FLNB: variants seen among roughly 807,000 people sequenced by gnomAD.
FLNB encodes the protein filamin B, also known as filamin-B.
In FLNB, 111 loss-of-function variants were observed where a neutral mutation model predicts 250.6. The observed-to-expected ratio is 0.44, with a 90% CI of 0.38 to 0.52. FLNB has a LOEUF of 0.52. Among genes scored for constraint, FLNB ranks in the 20% least tolerant of loss-of-function variants. The pLI is 0.00. For missense variants in FLNB, 2,869 were observed against 3,447.8 expected, an observed-to-expected ratio of 0.83 and a Z score of 4.20; for synonymous variants, 1,302 against 1,372.1, an observed-to-expected ratio of 0.95 and a Z score of 1.13.
At chr3:58,031,453 A>G (rs11716046) in intron 1 of FLNB, among the ~76,000 whole-genome samples, 4,206 of 149,740 alleles carry the variant, frequency 0.028, 87 homozygotes, top group Middle Eastern at 0.053. Context: ...TGTGTTAGCC[A>G]GGATGGTCTC....
rs2097264530 is a variant in FLNB at position 58,109,232 on chromosome 3, A to G, written c.2109A>G (p.Thr703=). The change falls in exon 14 of 46, where the codon ACA becomes ACG. Residue 703 remains threonine (T), a synonymous_variant. Coordinates refer to ENST00000295956, the MANE Select transcript of FLNB (RefSeq NM_001457.4). The part of the protein sequence containing the change: ...DIQMKNRMDG[T]YACSYTPVKA... ...AGATGAAGAACCGGATGGACGGCACATATGCATGCTCATACACCCCGGTGA... is the reference window on the plus strand; with the variant it reads ...AGATGAAGAACCGGATGGACGGCACGTATGCATGCTCATACACCCCGGTGA... The G allele has an allele frequency of 1.2e-6, 2 of 1,614,250 alleles. No individual in the cohort carries two copies. Among genetic ancestry groups the G allele is most frequent in the Non-Finnish European group, 1.7e-6 (2 of 1,180,050 alleles).
At chr3:58,065,851 G>T (rs970491252) in intron 1 of FLNB, among the ~76,000 whole-genome samples, 10 of 152,228 alleles carry the variant, frequency 6.6e-5, no homozygotes, top group Admixed American at 5.9e-4. Flanking sequence ...AGGGTCACGA[G>T]GACCTCCATT....
chr3:58,085,661 G>A (rs541711442), intron 4 of FLNB, among the ~76,000 whole-genome samples: 1 of 152,152 alleles, frequency 6.6e-6, no homozygotes, highest in Non-Finnish European at 1.5e-5. Context: ...TGCAGGGTTA[G>A]CTATGTGAAA....
At chr3:58,129,395 T>C (rs2097302816) in intron 24 of FLNB, among the ~76,000 whole-genome samples, 1 of 152,210 alleles carries the variant, frequency 6.6e-6, no homozygotes, top group Non-Finnish European at 1.5e-5. Flanking sequence ...TTTTGGCTAC[T>C]CTCATGCTGA....
intron 1 of FLNB, among the ~76,000 whole-genome samples, chr3:58,057,416 A>C (rs548853437): frequency 5.4e-4 from 82 of 152,300 alleles, no homozygotes; most frequent in African/African-American, 1.9e-3. Context: ...GCCTCTACCT[A>C]GCTTTAGAAG....
At chr3:58,130,550 G>A (rs1005120450) in intron 24 of FLNB, among the ~76,000 whole-genome samples, 191 bp from the exon 25 acceptor site, 2 of 152,158 alleles carry the variant, frequency 1.3e-5, no homozygotes, top group Admixed American at 6.5e-5. Flanking sequence ...ACATCTGCAC[G>A]TAGTAGGTGT....
chr3:58,115,039 A>G (rs1480226682), intron 18 of FLNB, among the ~76,000 whole-genome samples: 3 of 152,140 alleles, frequency 2.0e-5, no homozygotes, highest in African/African-American at 7.2e-5. Context: ...CAGGTTATAA[A>G]CGCGGCTTCT....
chr3:58,045,652 A>G (rs951966220), intron 1 of FLNB, among the ~76,000 whole-genome samples: 4 of 151,226 alleles, frequency 2.6e-5, no homozygotes, highest in African/African-American at 9.9e-5. Context: ...AAATTTTATG[A>G]TTCTCTTAAG....
chr3:58,121,283 G>A lies in FLNB; in HGVS notation c.2906G>A (p.Arg969Lys). The change falls in exon 20 of 46, where the codon AGG (arginine) becomes AAG (lysine). Residue 969 changes from arginine (R) to lysine (K), a missense_variant. Physicochemically the swap from Arg to Lys is conservative, Grantham distance 26. Around this residue, in one of 5 missense-constraint regions of FLNB, gnomAD observed 1,348 missense variants for 1,466.7 expected, o/e 0.92. Transcript: ENST00000295956. The part of the protein sequence containing the change: ...GKDQEFTVDT[R>K]GAGGQGKLDV... Reference sequence around the variant, plus strand: ...GATCAGGAGTTCACCGTTGATACCAGGGGGGCAGGAGGCCAGGGGAAGCTG... The same window carrying A: ...GATCAGGAGTTCACCGTTGATACCAAGGGGGCAGGAGGCCAGGGGAAGCTG... The A allele has an allele frequency of 6.2e-7, 1 of 1,614,154 alleles. No individual in the cohort carries two copies. The highest frequency in any genetic ancestry group is 2.2e-5 in the East Asian group (1 of 44,886).
intron 1 of FLNB, among the ~76,000 whole-genome samples, chr3:58,024,765 T>G (rs1483424303): frequency 1.4e-5 from 2 of 146,570 alleles, no homozygotes; most frequent in Admixed American, 7.0e-5. Context: ...CCAGGCTGGA[T>G]TGCAATGGTG....
chr3:58,150,182 G>A lies in FLNB; in HGVS notation c.6322G>A (p.Val2108Met), dbSNP rs768968409. ...CACCCGCACCAGTCGGGCCCCGTCCGTGGCCACTGTCGGGAGCATTTGTGA... is the reference window on the plus strand; with the variant it reads ...CACCCGCACCAGTCGGGCCCCGTCCATGGCCACTGTCGGGAGCATTTGTGA... ...SITRTSRAPS[V>M]ATVGSICDLN... Residue 2108 changes from valine to methionine, a missense_variant, in exon 38 of 46, where the codon GTG (valine) becomes ATG (methionine). This residue lies in a region of FLNB where 1,084 missense variants were observed against 1,315.5 expected (regional missense o/e 0.82). Coordinates refer to ENST00000295956, the MANE Select transcript of FLNB (RefSeq NM_001457.4). The A allele has an allele frequency of 8.1e-6, 13 of 1,614,214 alleles. No homozygotes were observed. In the Admixed American group the frequency reaches 1.0e-4, roughly 12 times the overall value.
chr3:58,102,429 C>A, intron 9 of FLNB, 89 bp downstream of exon 9: 1 of 1,387,450 alleles, frequency 7.2e-7, no homozygotes, highest in Middle Eastern at 2.0e-4. Context: ...GGCCAGTTGT[C>A]CTCAATAATC....
chr3:58,105,707 A>C (rs751882218), intron 11 of FLNB, among the ~76,000 whole-genome samples: 8 of 152,196 alleles, frequency 5.3e-5, no homozygotes, highest in Non-Finnish European at 1.2e-4. Flanking sequence ...TCTCTGTCAC[A>C]GTTATTTGAC....
In FLNB at chr3:58,008,682, C is replaced by G. The variant is rs751263946; in HGVS notation, c.118C>G (p.Leu40Val). ...GTGCGTGAACAAACGCATCGGCAAC[C>G]TGCAGACCGACCTGAGCGACGGGCT... ...LKCVNKRIGN[L>V]QTDLSDGLRL... The change falls in exon 1 of 46, where the codon CTG (leucine) becomes GTG (valine). Residue 40 changes from leucine to valine, a missense_variant. Transcript: ENST00000295956. 2 of 1,614,178 alleles carry G rather than the reference C, an allele frequency of 1.2e-6. No homozygotes were observed. Among genetic ancestry groups the G allele is most frequent in the East Asian group, 2.2e-5 (1 of 44,886 alleles).
chr3:58,109,536 G>A (rs1559699289), intron 14 of FLNB, 40 bp from the exon 15 acceptor site: 3 of 1,614,122 alleles, frequency 1.9e-6, no homozygotes, highest in South Asian at 1.1e-5. Context: ...CTGGGTCCAA[G>A]TGGAGGAGAA....
intron 21 of FLNB, 89 bp from the exon 22 acceptor site, chr3:58,124,243 T>G: frequency 7.6e-7 from 1 of 1,310,368 alleles, no homozygotes; most frequent in Admixed American, 1.7e-5. Flanking sequence ...GGACTTCATG[T>G]GTCCTGAAGT....
rs972330177 is a variant in FLNB, at chr3:58,112,050, G to C, written c.2576-99G>C. ...TGGCTGGCCAGGCCCGTTGCTGGCT[G>C]TCATAATAGACCTGGTGCTGTTGAA... On this transcript the variant is annotated intron_variant, in intron 17 of 45. Transcript: ENST00000295956. The C allele has an allele frequency of 7.0e-6, 9 of 1,290,814 alleles. No homozygotes were observed. The African/African-American group carries it at 1.3e-4, about 19-fold the overall frequency. The allele number at this position is 1,290,814 out of a possible 1,614,324, so 80.0% of individuals were successfully genotyped here. A position where few individuals can be genotyped will look rare whatever the true frequency, so the allele number is the denominator to read the frequency against.
chr3:58,115,455 G>T (rs1301910517), intron 18 of FLNB, among the ~76,000 whole-genome samples: 1 of 152,204 alleles, frequency 6.6e-6, no homozygotes, highest in African/African-American at 2.4e-5. Flanking sequence ...CAGGGTCAGG[G>T]TTTGACCTGC....
intron 8 of FLNB, among the ~76,000 whole-genome samples, chr3:58,100,185 A>G (rs1289915412): frequency 1.3e-5 from 2 of 151,998 alleles, no homozygotes; most frequent in African/African-American, 2.4e-5. Context: ...TCTTTTTTAC[A>G]TAAGAGAGCA....
Sources: allele counts gnomAD v4.1 joint callset (sites outside exome capture counted in the v4.1 genomes callset), GRCh38; gene constraint gnomAD v4.1.1; regional missense constraint gnomAD v4.1.1; transcripts MANE v1.5; gene names NCBI Gene and HGNC (gene_info 2026-07-23, HGNC 2026-07-21).